Variants in SYNE3 observed in about 807,000 individuals in gnomAD.
SYNE3 encodes the protein spectrin repeat containing nuclear envelope family member 3.
Under a neutral mutation model 111.2 loss-of-function variants are expected in SYNE3, and 100 were observed. That is an observed-to-expected ratio of 0.90 (90% CI 0.77 to 1.06). The LOEUF is 1.06. Among genes scored for constraint, SYNE3 ranks in the 50% least tolerant of loss-of-function variants. The pLI, the probability that SYNE3 is intolerant of heterozygous loss-of-function variation, is 0.00. For synonymous variants in SYNE3, 547 were observed against 533.9 expected (o/e 1.02, Z -0.34); for missense variants, 1,160 against 1,240.3 (o/e 0.94, Z 0.97).
chr14:95,448,352 C>T (rs932573399), intron 8 of SYNE3, among the ~76,000 whole-genome samples: 1 of 152,184 alleles, frequency 6.6e-6, no homozygotes, highest in Middle Eastern at 3.2e-3. Flanking sequence ...AGAAGGGGCC[C>T]ACTGGACCCT....
chr14:95,446,568 C>T (rs141088436), intron 8 of SYNE3, among the ~76,000 whole-genome samples: 103 of 152,174 alleles, frequency 6.8e-4, no homozygotes, highest in Non-Finnish European at 1.0e-3. Flanking sequence ...AGTGGACACA[C>T]CCCCCAGCGC....
rs537363556 is a variant in SYNE3, at chr14:95,448,613, G to A, written c.1449+1318C>T. On this transcript the variant is annotated intron_variant, in intron 8 of 17. Coordinates refer to ENST00000682763, the MANE Select transcript of SYNE3 (RefSeq NM_152592.6). ...TGAGGCAGGAGAATCTCTTGAACCC[G>A]GGAGGCGGAGGTTGCAGTGAGCTGA... 3.9e-5 allele frequency among the ~76,000 whole-genome samples: 6 copies of A among 152,314 alleles called. No individual in the cohort carries two copies. The East Asian group carries it at 1.2e-3, about 29-fold the overall frequency.
chr14:95,455,783 A>G lies in SYNE3; in HGVS notation c.790-59T>C, dbSNP rs115489350. On this transcript the variant is annotated intron_variant, in intron 5 of 17. Coordinates refer to ENST00000682763, the MANE Select transcript of SYNE3 (RefSeq NM_152592.6). ...CAGGGAAAAAGAATACAGTTGCTGC[A>G]TTTTCCAGAGCAGACCTGGGACTGC... 3.4e-3 allele frequency: 5,266 copies of G among 1,556,138 alleles called. 134 individuals carry two copies. In the African/African-American group the frequency reaches 0.059, roughly 17 times the overall value.
chr14:95,459,834 G>C (rs918772437), intron 4 of SYNE3, among the ~76,000 whole-genome samples: 2 of 151,704 alleles, frequency 1.3e-5, no homozygotes, highest in African/African-American at 4.8e-5. Flanking sequence ...ATGGTGGCTC[G>C]TGTCTATAAT....
At chr14:95,430,198 G>C (rs1180546274) in intron 17 of SYNE3, among the ~76,000 whole-genome samples, 1 of 152,130 alleles carries the variant, frequency 6.6e-6, no homozygotes, top group African/African-American at 2.4e-5. Flanking sequence ...ACACCAGGGG[G>C]ACCAGACTTG....
At chr14:95,498,405 G>A (rs1890188705) in intron 1 of SYNE3, among the ~76,000 whole-genome samples, 1 of 152,152 alleles carries the variant, frequency 6.6e-6, no homozygotes, top group Non-Finnish European at 1.5e-5. Flanking sequence ...TTTTAATAAA[G>A]ACAGGGTTTC....
At position 95,433,535 on chromosome 14, in the gene SYNE3, C is replaced by A; in HGVS notation, c.2539-126G>T. ...TAGGCAGGGAGGAGGCAGACAGAAT[C>A]CATAAAGTGGGACTCCCATCTGTGC... On this transcript the variant is annotated intron_variant, in intron 15 of 17. Transcript: ENST00000682763. The A allele has an allele frequency of 2.2e-6, 3 of 1,342,626 alleles. No individual in the cohort carries two copies. In the South Asian group the frequency reaches 4.2e-5, roughly 19 times the overall value. 83.2% of individuals were successfully genotyped at this position (1,342,626 alleles called of 1,614,324 possible). A position where few individuals can be genotyped will look rare whatever the true frequency, so the allele number is the denominator to read the frequency against.
At chr14:95,481,011 C>T (rs1423954919) in intron 1 of SYNE3, among the ~76,000 whole-genome samples, 1 of 152,158 alleles carries the variant, frequency 6.6e-6, no homozygotes, top group African/African-American at 2.4e-5. Context: ...ACCCCAGGCA[C>T]AGCAGCGGCA....
At chr14:95,421,141 C>A (rs957886716) in intron 17 of SYNE3, among the ~76,000 whole-genome samples, 8 of 152,196 alleles carry the variant, frequency 5.3e-5, no homozygotes, top group African/African-American at 1.9e-4. Context: ...GTTCATTAAA[C>A]CTCTTTTTCT....
intron 14 of SYNE3, 62 bp downstream of exon 14, chr14:95,438,971 C>T (rs1430110612): frequency 1.2e-6 from 2 of 1,604,810 alleles, no homozygotes; most frequent in Non-Finnish European, 8.5e-7. Flanking sequence ...GCTGGAGACC[C>T]CTACCCACCT....
intron 8 of SYNE3, 130 bp downstream of exon 8, chr14:95,449,801 C>T (rs1279166567): frequency 9.1e-6 from 13 of 1,422,586 alleles, no homozygotes; most frequent in Middle Eastern, 2.6e-4. Flanking sequence ...CTCAGCAGAC[C>T]GGGCGCAGTG....
intron 17 of SYNE3, among the ~76,000 whole-genome samples, chr14:95,429,492 G>A (rs956096523): frequency 3.3e-5 from 5 of 152,106 alleles, no homozygotes; most frequent in African/African-American, 1.2e-4. Flanking sequence ...CTGATGAATC[G>A]AAAACTCTGG....
chr14:95,438,811 G>C, intron 14 of SYNE3: 4 of 550,852 alleles, frequency 7.3e-6, no homozygotes, highest in Admixed American at 3.1e-5. Context: ...CTGCCCTGGT[G>C]GCCTGGCTCT....
chr14:95,436,887 A>G lies in SYNE3; in HGVS notation c.2471T>C (p.Leu824Pro). ...AGTTCTCATTGCGATGATTCTAACCAGCTTGGAGTTTTCCACCTGCAACCA... is the reference window on the plus strand; with the variant it reads ...AGTTCTCATTGCGATGATTCTAACCGGCTTGGAGTTTTCCACCTGCAACCA... ...GQWLQVENSK[L>P]VRIIAMRTST... Residue 824 changes from leucine (L) to proline (P), a missense_variant, in exon 15 of 18, where the codon CTG becomes CCG. Coordinates refer to ENST00000682763, the MANE Select transcript of SYNE3 (RefSeq NM_152592.6). 6.2e-7 allele frequency: 1 copy of G among 1,614,218 alleles called. No homozygotes were observed. Among genetic ancestry groups the G allele is most frequent in the Non-Finnish European group, 8.5e-7 (1 of 1,180,040 alleles).
chr14:95,446,665 G>A (rs1886738026), intron 8 of SYNE3, among the ~76,000 whole-genome samples: 1 of 152,222 alleles, frequency 6.6e-6, no homozygotes, highest in East Asian at 1.9e-4. Flanking sequence ...GCTTCCCAGA[G>A]GAGGTGATAC....
rs566836581 is a variant in SYNE3 at position 95,433,350 on chromosome 14, C to A, written c.2598G>T (p.Gly866=). The change falls in exon 16 of 18, where the codon GGG becomes GGT. Residue 866 remains glycine (G), a synonymous_variant. Transcript: ENST00000682763. ...QHLFENLLRL[G]PARGTSDELE... ...GCTCATCCGAGGTCCCCCTTGCTGG[C>A]CCGAGACGAAGGAGGTTCTCAAAGA... is the stretch of plus-strand genomic sequence containing the variant. The A allele has an allele frequency of 3.1e-6, 5 of 1,614,002 alleles. No homozygotes were observed. The highest frequency in any genetic ancestry group is 3.4e-6 in the Non-Finnish European group (4 of 1,180,022).
rs1401973296 is a variant in SYNE3, at chr14:95,485,597, T to C, written c.-14-9762A>G. Among the ~76,000 whole-genome samples the C allele has an allele frequency of 6.6e-6, 1 of 151,994 alleles. No individual in the cohort carries two copies. The highest frequency in any genetic ancestry group is 1.5e-5 in the Non-Finnish European group (1 of 67,978). On this transcript the variant is annotated intron_variant, in intron 1 of 17. Coordinates refer to ENST00000682763, the MANE Select transcript of SYNE3 (RefSeq NM_152592.6). The surrounding 1 kb of genome is among the most constrained non-coding windows in gnomAD (Gnocchi z 4.3). ...CCTAGACCTCCCAGGAATGCCGAAA[T>C]GCTCAGCGTTTTTTTCCCTCTGCCC...
intron 1 of SYNE3, among the ~76,000 whole-genome samples, chr14:95,509,273 G>T (rs1178606532): frequency 6.6e-6 from 1 of 152,160 alleles, no homozygotes; most frequent in African/African-American, 2.4e-5. Flanking sequence ...GGAGCAGCTT[G>T]AGCACAGGTG....
chr14:95,512,013 T>C (rs780842614), intron 1 of SYNE3, among the ~76,000 whole-genome samples: 9 of 152,244 alleles, frequency 5.9e-5, no homozygotes, highest in African/African-American at 9.6e-5. Context: ...TTCAGGATTT[T>C]ATGATTCAGA....
Sources: gnomAD v4.1 joint callset for allele counts (sites outside exome capture counted in the v4.1 genomes callset) on GRCh38, gnomAD v4.1.1 for gene constraint, Gnocchi (gnomAD v3.1) non-coding constraint, MANE v1.5 for transcripts, NCBI Gene and HGNC (gene_info 2026-07-23, HGNC 2026-07-21) for gene names.